Variants in ABHD3 observed in about 807,000 individuals in gnomAD.
ABHD3 encodes phospholipase ABHD3.
A neutral mutation model predicts 48.8 loss-of-function variants in ABHD3; 46 were observed. That is an observed-to-expected ratio of 0.94 (90% CI 0.74 to 1.20). ABHD3 has a LOEUF of 1.20. ABHD3 is among the 50% of genes most tolerant of loss of function. ABHD3 has a pLI of 0.00. For missense variants in ABHD3, 490 were observed against 497.8 expected, an observed-to-expected ratio of 0.98 and a Z score of 0.15; for synonymous variants, 192 against 183.7, an observed-to-expected ratio of 1.04 and a Z score of -0.36.
At chr18:21,687,468 C>T (rs1023198418) in intron 3 of ABHD3, among the ~76,000 whole-genome samples, 3 of 152,162 alleles carry the variant, frequency 2.0e-5, no homozygotes, top group Non-Finnish European at 4.4e-5. Context: ...GCCTTGGCCT[C>T]CTAAAGTGCT....
At chr18:21,675,362 G>A (rs2039856871) in intron 4 of ABHD3, among the ~76,000 whole-genome samples, 1 of 149,392 alleles carries the variant, frequency 6.7e-6, no homozygotes, top group Non-Finnish European at 1.5e-5. Context: ...TCTGCCTCCT[G>A]GGTTCAAGCG....
chr18:21,683,649 A>G, intron 4 of ABHD3: 1 of 296,750 alleles, frequency 3.4e-6, no homozygotes, highest in Non-Finnish European at 7.0e-6. Flanking sequence ...TAGTTACAAA[A>G]TAGAATCTTA....
rs983876396 is a variant in ABHD3, at chr18:21,704,767, A to G, written c.-102T>C. 1.9e-6 allele frequency: 2 copies of G among 1,074,776 alleles called. No individual in the cohort carries two copies. The highest frequency in any genetic ancestry group is 2.3e-5 in the African/African-American group (1 of 43,482). 66.6% of individuals were successfully genotyped at this position (1,074,776 alleles called of 1,614,324 possible). ...GACGCGGCGCCGCTGCCTACTCCCG[A>G]CCACAGTGTCTCCTGCCTGGCGGAG... On this transcript the variant is annotated 5_prime_UTR_variant, in exon 1 of 9. Coordinates refer to ENST00000289119, the MANE Select transcript of ABHD3 (RefSeq NM_138340.5).
chr18:21,696,986 C>A (rs1055089848), intron 3 of ABHD3, among the ~76,000 whole-genome samples: 1 of 151,968 alleles, frequency 6.6e-6, no homozygotes, highest in Non-Finnish European at 1.5e-5. Flanking sequence ...AGGAACTATC[C>A]AAAAGAGTAC....
chr18:21,668,775 A>T (rs1598524307), intron 4 of ABHD3, among the ~76,000 whole-genome samples: 1 of 152,336 alleles, frequency 6.6e-6, no homozygotes, highest in South Asian at 2.1e-4. Context: ...TAAGATCAAC[A>T]CTGATAATAT....
chr18:21,696,817 C>T (rs1235228041), intron 3 of ABHD3, among the ~76,000 whole-genome samples: 2 of 151,982 alleles, frequency 1.3e-5, no homozygotes, highest in Non-Finnish European at 2.9e-5. Context: ...AATCCTCCTG[C>T]CTTAGCCTTC....
chr18:21,691,997 G>C (rs1230136231), intron 3 of ABHD3, among the ~76,000 whole-genome samples: 1 of 152,086 alleles, frequency 6.6e-6, no homozygotes, highest in Non-Finnish European at 1.5e-5. Flanking sequence ...TGTTGCCCAG[G>C]CTGGAATGCA....
In ABHD3 at chr18:21,659,962, CTTTTTTTTTTTT is replaced by C. The variant is rs60634505; in HGVS notation, c.669-631_669-620del. ...TGAGATTACAGCCGTTGCACCCGGC[CTTTTTTTTTTTT>C]TTTTTTTTTTTGAGATAGGCTCTGT... On this transcript the variant is annotated intron_variant, in intron 5 of 8. Coordinates refer to ENST00000289119, the MANE Select transcript of ABHD3 (RefSeq NM_138340.5). 7.0e-3 allele frequency among the ~76,000 whole-genome samples: 516 copies of C among 73,878 alleles called. 3 individuals carry two copies. The highest frequency in any genetic ancestry group is 0.01 in the African/African-American group (131 of 12,656). The allele number at this position is 73,878 out of a possible 152,430, so 48.5% of individuals were successfully genotyped here. A position where few individuals can be genotyped will look rare whatever the true frequency, so the allele number is the denominator to read the frequency against.
chr18:21,696,756 G>A (rs2040379346), intron 3 of ABHD3, among the ~76,000 whole-genome samples: 1 of 128,380 alleles, frequency 7.8e-6, no homozygotes, highest in Admixed American at 7.0e-5. Flanking sequence ...TGGTAGAAAT[G>A]GGGGGTCTCA....
At chr18:21,675,799 A>C (rs1568149672) in intron 4 of ABHD3, among the ~76,000 whole-genome samples, 1 of 152,174 alleles carries the variant, frequency 6.6e-6, no homozygotes, top group Non-Finnish European at 1.5e-5. Flanking sequence ...TTAAAAAAAA[A>C]TAATTTACAG....
chr18:21,690,125 A>T (rs994561331), intron 3 of ABHD3, among the ~76,000 whole-genome samples: 87 of 152,060 alleles, frequency 5.7e-4, no homozygotes, highest in African/African-American at 2.0e-3. Flanking sequence ...AAGAATTTAA[A>T]AAAAAAAAAG....
At chr18:21,696,938 G>T (rs965885911) in intron 3 of ABHD3, among the ~76,000 whole-genome samples, 1 of 151,996 alleles carries the variant, frequency 6.6e-6, no homozygotes, top group African/African-American at 2.4e-5. Flanking sequence ...AAATCTGAAA[G>T]AATTTATCTG....
chr18:21,697,074 C>CTT (rs781661076), intron 3 of ABHD3, among the ~76,000 whole-genome samples: 72 of 135,694 alleles, frequency 5.3e-4, no homozygotes, highest in East Asian at 2.7e-3. Context: ...ATTCTATTAA[C>CTT]TTTTTTTTTT....
chr18:21,692,226 AG>A (rs2040268118), intron 3 of ABHD3, among the ~76,000 whole-genome samples: 2 of 152,334 alleles, frequency 1.3e-5, no homozygotes, highest in East Asian at 3.9e-4. Context: ...CTGGGATTAT[AG>A]GCGTGAGCCA....
chr18:21,703,421 A>G (rs1447928816), intron 2 of ABHD3, among the ~76,000 whole-genome samples, 163 bp downstream of exon 2: 1 of 152,116 alleles, frequency 6.6e-6, no homozygotes, highest in African/African-American at 2.4e-5. Flanking sequence ...ATTTTCCTGC[A>G]GCTGGGGGTG....
At chr18:21,686,850 G>A (rs1178886866) in intron 3 of ABHD3, among the ~76,000 whole-genome samples, 1 of 152,162 alleles carries the variant, frequency 6.6e-6, no homozygotes, top group South Asian at 2.1e-4. Flanking sequence ...AGTCATCAGG[G>A]AACACTGAAC....
intron 3 of ABHD3, among the ~76,000 whole-genome samples, chr18:21,690,761 G>A (rs1464204571): frequency 5.3e-5 from 8 of 151,584 alleles, no homozygotes; most frequent in African/African-American, 9.7e-5. Context: ...TTGGGAGGCC[G>A]AGGCAGGTGG....
rs377097372 is a variant in ABHD3 at position 21,704,497 on chromosome 18, G to A, written c.162+7C>T. On this transcript the variant is annotated splice_region_variant and intron_variant, in intron 1 of 8. Coordinates refer to ENST00000289119, the MANE Select transcript of ABHD3 (RefSeq NM_138340.5). ...CAGCCCGCGGCCCTGCGCCACCCCCGGCTCACCTTGGCAATGCTGCTCAGG... is the reference window on the plus strand; with the variant it reads ...CAGCCCGCGGCCCTGCGCCACCCCCAGCTCACCTTGGCAATGCTGCTCAGG... 3.5e-6 allele frequency: 5 copies of A among 1,413,976 alleles called. No individual in the cohort carries two copies. In the African/African-American group the frequency reaches 6.0e-5, roughly 17 times the overall value. 87.6% of individuals were successfully genotyped at this position (1,413,976 alleles called of 1,614,324 possible). A position where few individuals can be genotyped will look rare whatever the true frequency, so the allele number is the denominator to read the frequency against.
At chr18:21,700,065 C>T (rs2040473365) in intron 3 of ABHD3, among the ~76,000 whole-genome samples, 1 of 151,956 alleles carries the variant, frequency 6.6e-6, no homozygotes, top group African/African-American at 2.4e-5. Context: ...TGAGTTTCAA[C>T]CACATTGTTT....
Sources: allele counts gnomAD v4.1 joint callset (sites outside exome capture counted in the v4.1 genomes callset), GRCh38; gene constraint gnomAD v4.1.1; transcripts MANE v1.5; gene names NCBI Gene and HGNC (gene_info 2026-07-23, HGNC 2026-07-21).